The following APOL3 variants were observed in gnomAD, a reference collection of about 807,000 sequenced individuals.
APOL3 encodes the protein TNF-inducible protein CG12-1.
Under a neutral mutation model 11.6 loss-of-function variants are expected in APOL3, and 14 were observed. The ratio of observed to expected loss-of-function variants is 1.21; its 90% confidence interval spans 0.80 to 1.89. APOL3 has a LOEUF of 1.89. APOL3 is among the 40% of genes most tolerant of loss of function. APOL3 has a pLI of 0.00. For synonymous variants in APOL3, 192 were observed against 190.6 expected, an observed-to-expected ratio of 1.01 and a Z score of -0.06; for missense variants, 483 against 492.1, an observed-to-expected ratio of 0.98 and a Z score of 0.17.
intron 1 of APOL3, among the ~76,000 whole-genome samples, chr22:36,157,921 G>A (rs1316423853): frequency 1.3e-5 from 2 of 152,104 alleles, no homozygotes; most frequent in African/African-American, 2.4e-5. Context: ...GTGGAGGCAC[G>A]CGCCTGTAGT....
At chr22:36,141,910 T>C (rs1453486043) in exon 3 of APOL3, 2 of 1,614,244 alleles carry the variant, frequency 1.2e-6, no homozygotes, top group East Asian at 2.2e-5. Context: ...AGCTTTTCTA[T>C]GGACTCCTGG....
exon 3 of APOL3, chr22:36,142,037 G>A (rs147312987): frequency 9.8e-4 from 1,586 of 1,612,736 alleles, no homozygotes; most frequent in Non-Finnish European, 1.2e-3. Context: ...TCAGAGCTTC[G>A]TAGAGAGCAT....
intron 2 of APOL3, among the ~76,000 whole-genome samples, chr22:36,142,777 C>T (rs1182685496): frequency 2.0e-5 from 3 of 152,192 alleles, no homozygotes; most frequent in Non-Finnish European, 2.9e-5. Flanking sequence ...AAGACTTTCT[C>T]CTTGGCCAAA....
chr22:36,158,147 C>A (rs2013206378), intron 1 of APOL3, among the ~76,000 whole-genome samples: 1 of 152,194 alleles, frequency 6.6e-6, no homozygotes, highest in Admixed American at 6.5e-5. Flanking sequence ...GGCACTCAAG[C>A]TCACTTTTGA....
chr22:36,159,799 G>T (rs959137561), intron 1 of APOL3: 10 of 152,276 alleles, frequency 6.6e-5, no homozygotes, highest in African/African-American at 2.2e-4. Context: ...TACCCACAGG[G>T]CCTGGCTCAA....
intron 1 of APOL3, chr22:36,153,216 A>C (rs1434326516): frequency 3.0e-6 from 1 of 328,994 alleles, no homozygotes; most frequent in African/African-American, 2.1e-5. Flanking sequence ...AACCGTATAC[A>C]CTTATTAATT....
At chr22:36,157,496 T>C (rs961088994) in intron 1 of APOL3, among the ~76,000 whole-genome samples, 3 of 151,968 alleles carry the variant, frequency 2.0e-5, no homozygotes, top group African/African-American at 7.3e-5. Context: ...AAAGAAAAAA[T>C]TAAAACTATA....
chr22:36,145,040 A>G lies in APOL3; in HGVS notation c.350+433T>C, dbSNP rs1054039511. ...AAAAAAAAAAAGAAAAAAAAAGAAA[A>G]AAAAAGAAAAACACTTTTGGTCCTG... On this transcript the variant is annotated intron_variant, in intron 2 of 2. Coordinates refer to ENST00000349314, the Ensembl canonical transcript of APOL3. 2.6e-4 allele frequency among the ~76,000 whole-genome samples: 40 copies of G among 151,906 alleles called. 1 individual carries two copies. Among genetic ancestry groups the G allele is most frequent in the Non-Finnish European group, 5.6e-4 (38 of 67,916 alleles).
intron 1 of APOL3, among the ~76,000 whole-genome samples, chr22:36,148,515 A>T (rs132640): frequency 2.6e-5 from 4 of 152,086 alleles, no homozygotes; most frequent in Non-Finnish European, 5.9e-5. Flanking sequence ...AAGACGTGGC[A>T]AAGGCCAGAA....
At chr22:36,164,073 T>A (rs185161895), upstream of APOL3, among the ~76,000 whole-genome samples, 1 of 152,378 alleles carries the variant, frequency 6.6e-6, no homozygotes, top group East Asian at 1.9e-4. Flanking sequence ...ATATTTTTGC[T>A]TTTTAAACTA....
chr22:36,145,009 C>CAAAAAAAAAAAA (rs1312228074), intron 2 of APOL3, among the ~76,000 whole-genome samples: 2 of 37,932 alleles, frequency 5.3e-5, no homozygotes, highest in Non-Finnish European at 1.6e-4. Flanking sequence ...GACTCTGTCT[C>CAAAAAAAAAAAA]AAAAAAAAAA....
chr22:36,141,956 C>T lies in APOL3; in HGVS notation c.453G>A (p.Trp151Ter). 1.9e-6 allele frequency: 3 copies of T among 1,614,198 alleles called. No individual in the cohort carries two copies. The highest frequency in any genetic ancestry group is 2.2e-5 in the East Asian group (1 of 44,880). The change falls in exon 3 of 3, where the codon TGG (tryptophan) becomes TGA (stop). Residue 151 changes from tryptophan to a stop codon, truncating the protein, a stop_gained. Coordinates refer to ENST00000349314, the Ensembl canonical transcript of APOL3. LOFTEE classifies it low-confidence loss of function (END_TRUNC). ...TGACTTGGGGAAACTCTTTCAAAAA[C>T]CATTCCCTAAACTGCTCATCTTTCT... is the stretch of plus-strand genomic sequence containing the variant.
At chr22:36,148,925 A>G in intron 1 of APOL3, 121 bp downstream of exon 2, 1 of 978,216 alleles carries the variant, frequency 1.0e-6, no homozygotes, top group Non-Finnish European at 1.5e-6. Flanking sequence ...GGGCTCAGGG[A>G]AGACTCATCG....
At chr22:36,152,361 T>G (rs1006339029) in intron 1 of APOL3, among the ~76,000 whole-genome samples, 4 of 152,280 alleles carry the variant, frequency 2.6e-5, no homozygotes, top group Middle Eastern at 3.4e-3. Flanking sequence ...ATTTAAAGCG[T>G]CACCAAAATG....
At chr22:36,165,831 C>CA (rs1194460954), upstream of APOL3, 2 of 152,150 alleles carry the variant, frequency 1.3e-5, no homozygotes, top group Non-Finnish European at 2.9e-5. Context: ...CCGATCTACC[C>CA]AAAAATTTGG....
At chr22:36,165,780 C>T (rs2013844936), upstream of APOL3, 1 of 152,194 alleles carries the variant, frequency 6.6e-6, no homozygotes, top group Non-Finnish European at 1.5e-5. Context: ...CAATTATTAC[C>T]ACTGCCTCTT....
At chr22:36,157,076 T>C (rs1277601522) in intron 1 of APOL3, 1 of 453,986 alleles carries the variant, frequency 2.2e-6, no homozygotes, top group African/African-American at 2.0e-5. Flanking sequence ...ATCAGGTTTC[T>C]GAGTTTCCAT....
Position 36,149,305 on chromosome 22 carries a change from T to C in APOL3, c.224-3706A>G. On this transcript the variant is annotated intron_variant, in intron 1 of 2. Coordinates refer to ENST00000349314, the Ensembl canonical transcript of APOL3. Reference sequence around the variant, plus strand: ...TCCTGGGCCCCAGCCAGCTGGTATTTAGAGAAATTCTACTTGCTCCAGCTC... The same window carrying C: ...TCCTGGGCCCCAGCCAGCTGGTATTCAGAGAAATTCTACTTGCTCCAGCTC... 3 of 1,305,946 alleles carry C rather than the reference T, an allele frequency of 2.3e-6. No homozygotes were observed. In the South Asian group the frequency reaches 3.7e-5, roughly 16 times the overall value. 80.9% of individuals were successfully genotyped at this position (1,305,946 alleles called of 1,614,324 possible).
At chr22:36,163,321 T>A (rs2013778529), upstream of APOL3, among the ~76,000 whole-genome samples, 1 of 152,148 alleles carries the variant, frequency 6.6e-6, no homozygotes, top group Non-Finnish European at 1.5e-5. Context: ...GTTTAGAGGT[T>A]TACAGCCGGG....
Sources: gnomAD v4.1 joint callset for allele counts (sites outside exome capture counted in the v4.1 genomes callset) on GRCh38, gnomAD v4.1.1 for gene constraint, MANE v1.5 for transcripts, NCBI Gene and HGNC (gene_info 2026-07-23, HGNC 2026-07-21) for gene names.